Variants in RGS5 observed in about 807,000 individuals in gnomAD.
The protein encoded by RGS5 is regulator of G protein signaling 5, also known as regulator of G-protein signalling 5.
Under a neutral mutation model 18.9 loss-of-function variants are expected in RGS5, and 20 were observed. The ratio of observed to expected loss-of-function variants is 1.06; its 90% CI spans 0.74 to 1.54. The LOEUF is 1.54. Among genes scored for constraint, RGS5 ranks in the 40% most tolerant of loss-of-function variants. RGS5 has a pLI of 0.00. For synonymous variants in RGS5, 57 were observed against 76.2 expected (o/e 0.75, Z 1.31); for missense variants, 201 against 211.8 (o/e 0.95, Z 0.32).
rs1657005123 is a variant in RGS5 at position 163,143,509 on chromosome 1, T to A, written c.*3833A>T. 1 of 152,162 alleles carries A rather than the reference T, an allele frequency of 6.6e-6. No individual in the cohort carries two copies. The highest frequency in any genetic ancestry group is 2.4e-5 in the African/African-American group (1 of 41,450). 9.4% of individuals were successfully genotyped at this position (152,162 alleles called of 1,614,324 possible). A position where few individuals can be genotyped will look rare whatever the true frequency, so the allele number is the denominator to read the frequency against. On this transcript the variant is annotated 3_prime_UTR_variant, in exon 5 of 5. Transcript: ENST00000313961. ...ATTTTACATCTAGCTGCATTGCAAG[T>A]CAGAAAATACCTTCCTGCAAATATG...
chr1:163,197,008 T>C (rs1659587194), intron 1 of RGS5, among the ~76,000 whole-genome samples: 1 of 152,170 alleles, frequency 6.6e-6, no homozygotes, highest in African/African-American at 2.4e-5. Context: ...CTTTTAGTAA[T>C]AAAATCATTT....
intron 3 of RGS5, among the ~76,000 whole-genome samples, chr1:163,156,579 ACCTGTTTG>A (rs1259195375): frequency 1.3e-5 from 2 of 151,864 alleles, no homozygotes; most frequent in Non-Finnish European, 2.9e-5. Context: ...AGTATGTTTC[ACCTGTTTG>A]CCTCTCTTTT....
At chr1:163,198,997 A>T (rs555384679) in intron 1 of RGS5, among the ~76,000 whole-genome samples, 1 of 152,080 alleles carries the variant, frequency 6.6e-6, no homozygotes, top group Non-Finnish European at 1.5e-5. Context: ...TTCATAATAC[A>T]TTCATCTTTT....
At chr1:163,198,348 A>G (rs1659650000) in intron 1 of RGS5, among the ~76,000 whole-genome samples, 1 of 152,128 alleles carries the variant, frequency 6.6e-6, no homozygotes, top group African/African-American at 2.4e-5. Context: ...TGAAACAGAA[A>G]TCAGATCTAT....
upstream of RGS5, among the ~76,000 whole-genome samples, chr1:163,219,544 T>C (rs1660291422): frequency 6.6e-6 from 1 of 152,148 alleles, no homozygotes; most frequent in Non-Finnish European, 1.5e-5. Flanking sequence ...TGGTAATATA[T>C]AATATGTCTC....
At chr1:163,307,373 T>G (rs1366300182) in intron 1 of RGS5, among the ~76,000 whole-genome samples, 2 of 152,188 alleles carry the variant, frequency 1.3e-5, no homozygotes, top group Non-Finnish European at 2.9e-5. Context: ...CTTAACAATG[T>G]CTTCTCAATT....
At chr1:163,294,827 T>C (rs1330826069) in intron 2 of RGS5, among the ~76,000 whole-genome samples, 2 of 152,176 alleles carry the variant, frequency 1.3e-5, no homozygotes, top group Non-Finnish European at 2.9e-5. Context: ...ACGGGTCACC[T>C]CTTGAATGCT....
rs532564263 is a variant in RGS5, at chr1:163,312,052, C to T, written c.-377-5723G>A. On this transcript the variant is annotated intron_variant, in intron 1 of 5. Coordinates refer to the RGS5 transcript ENST00000618415. Reference sequence around the variant, plus strand: ...CTCAAATCTCATCTTGAACTGTAATCCCCGGGTGTTGAGGGAGGGACCTGG... The same window carrying T: ...CTCAAATCTCATCTTGAACTGTAATTCCCGGGTGTTGAGGGAGGGACCTGG... Among the ~76,000 whole-genome samples, 3 of 152,300 alleles carry T rather than the reference C, an allele frequency of 2.0e-5. No homozygotes were observed. The East Asian group carries it at 5.8e-4, about 29-fold the overall frequency.
chr1:163,204,124 T>A (rs1388423422), upstream of RGS5, among the ~76,000 whole-genome samples: 1 of 152,222 alleles, frequency 6.6e-6, no homozygotes, highest in Middle Eastern at 3.2e-3. Flanking sequence ...CAGTGCATTA[T>A]GACCTGATGT....
intron 2 of RGS5, among the ~76,000 whole-genome samples, chr1:163,255,337 G>A (rs1648241618): frequency 6.6e-6 from 1 of 152,050 alleles, no homozygotes; most frequent in Non-Finnish European, 1.5e-5. Flanking sequence ...TCAGTGGTTT[G>A]CAGTTCTCCT....
intron 1 of RGS5, among the ~76,000 whole-genome samples, chr1:163,190,463 T>C (rs1659297380): frequency 6.6e-6 from 1 of 152,074 alleles, no homozygotes; most frequent in Non-Finnish European, 1.5e-5. Context: ...CATAGTAAAA[T>C]GAACAGGATC....
chr1:163,282,542 T>C (rs903233843), intron 2 of RGS5, among the ~76,000 whole-genome samples: 1 of 151,976 alleles, frequency 6.6e-6, no homozygotes, highest in Non-Finnish European at 1.5e-5. Flanking sequence ...CCTGTCTCTA[T>C]GAAAACATTT....
intron 1 of RGS5, among the ~76,000 whole-genome samples, chr1:163,215,417 G>T (rs993053469): frequency 6.6e-6 from 1 of 152,138 alleles, no homozygotes; most frequent in South Asian, 2.1e-4. Flanking sequence ...GGGATTAAAT[G>T]ATTTAACTTA....
chr1:163,190,614 CGACT>C (rs138880743), intron 1 of RGS5, among the ~76,000 whole-genome samples: 3,913 of 152,192 alleles, frequency 0.026, 74 homozygotes, highest in South Asian at 0.054. Flanking sequence ...AAACAGTGCT[CGACT>C]GACTAACAGT....
chr1:163,230,999 C>T (rs183378188), intron 2 of RGS5, among the ~76,000 whole-genome samples: 14 of 152,244 alleles, frequency 9.2e-5, no homozygotes, highest in African/African-American at 3.4e-4. Flanking sequence ...GGACTTTGCA[C>T]AAGTGATTGA....
chr1:163,233,388 T>C (rs972360629), intron 2 of RGS5, among the ~76,000 whole-genome samples: 16 of 152,258 alleles, frequency 1.1e-4, no homozygotes, highest in Non-Finnish European at 2.9e-5. Context: ...TGTTCCTCAT[T>C]AAACTTTCCC....
intron 2 of RGS5, among the ~76,000 whole-genome samples, chr1:163,282,639 G>A (rs912460895): frequency 7.2e-5 from 11 of 152,128 alleles, no homozygotes; most frequent in African/African-American, 2.7e-4. Context: ...GAGCCCAGGA[G>A]TTCAAAGCTG....
intron 1 of RGS5, among the ~76,000 whole-genome samples, chr1:163,196,299 A>G (rs1659563010): frequency 6.6e-6 from 1 of 152,172 alleles, no homozygotes; most frequent in South Asian, 2.1e-4. Context: ...TGAATTAATT[A>G]AAATTTAGCC....
At chr1:163,252,612 T>G (rs1289232001) in intron 2 of RGS5, among the ~76,000 whole-genome samples, 1 of 152,206 alleles carries the variant, frequency 6.6e-6, no homozygotes, top group Middle Eastern at 3.2e-3. Flanking sequence ...AGAGTTCTAC[T>G]TTCTACTAAG....
Sources: allele counts gnomAD v4.1 joint callset (sites outside exome capture counted in the v4.1 genomes callset), GRCh38; gene constraint gnomAD v4.1.1; transcripts MANE v1.5; gene names NCBI Gene and HGNC (gene_info 2026-07-23, HGNC 2026-07-21).